Variants in REDIC1 observed in about 807,000 individuals in gnomAD.
The protein encoded by REDIC1 is HEI10 Interacting Protein 1.
the REDIC1 span, among the ~76,000 whole-genome samples, chr12:39,727,082 T>A: frequency 6.6e-6 from 1 of 152,192 alleles, no homozygotes; most frequent in African/African-American, 2.4e-5. Context: ...GTCAGATGGA[T>A]AGATTGCAAA....
At chr12:39,763,603 G>A in the REDIC1 span, among the ~76,000 whole-genome samples, 1 of 152,170 alleles carries the variant, frequency 6.6e-6, no homozygotes, top group African/African-American at 2.4e-5. Context: ...ATGATAAGTG[G>A]CCAGAGCACA....
the REDIC1 span, among the ~76,000 whole-genome samples, chr12:39,884,940 G>A: frequency 1.7e-4 from 26 of 152,218 alleles, no homozygotes; most frequent in African/African-American, 6.3e-4. Context: ...CACAAAGACT[G>A]TTAGTCATAA....
the REDIC1 span, among the ~76,000 whole-genome samples, chr12:39,883,852 G>A: frequency 6.6e-6 from 1 of 152,160 alleles, no homozygotes; most frequent in African/African-American, 2.4e-5. Flanking sequence ...CATGCAGGAT[G>A]AAGTGAAAAC....
the REDIC1 span, among the ~76,000 whole-genome samples, chr12:39,892,776 TA>T: frequency 6.6e-5 from 10 of 151,758 alleles, no homozygotes; most frequent in Admixed American, 1.3e-4. Context: ...GCAACACAGG[TA>T]AAAAAAATTT....
At chr12:39,721,614 T>G in the REDIC1 span, 3 of 160,540 alleles carry the variant, frequency 1.9e-5, no homozygotes, top group Non-Finnish European at 2.7e-5. Flanking sequence ...TATTTTAATA[T>G]TCTTTGCAGT....
the REDIC1 span, among the ~76,000 whole-genome samples, chr12:39,823,377 T>A: frequency 0.043 from 6,548 of 152,230 alleles, 435 homozygotes; most frequent in African/African-American, 0.14. Flanking sequence ...AAGATACTGA[T>A]GTGGTTTGTC....
At chr12:39,748,906 A>G in the REDIC1 span, among the ~76,000 whole-genome samples, 1 of 152,204 alleles carries the variant, frequency 6.6e-6, no homozygotes, top group African/African-American at 2.4e-5. Context: ...AATCTCTGGG[A>G]CACATTTAAA....
the REDIC1 span, among the ~76,000 whole-genome samples, chr12:39,807,178 G>A: frequency 6.6e-6 from 1 of 152,198 alleles, no homozygotes; most frequent in African/African-American, 2.4e-5. Context: ...CAACCTAGTG[G>A]TCATGAGGAG....
At chr12:39,856,638 A>G in the REDIC1 span, among the ~76,000 whole-genome samples, 3 of 152,184 alleles carry the variant, frequency 2.0e-5, no homozygotes, top group Non-Finnish European at 4.4e-5. Context: ...AAGTGCTGGG[A>G]TTACAGGCAT....
At chr12:39,643,852 C>A in the REDIC1 span, 1 of 1,574,784 alleles carries the variant, frequency 6.4e-7, no homozygotes, top group East Asian at 2.3e-5. Context: ...AAAAATTCTG[C>A]TGTCAGCTTA....
chr12:39,834,516 T>C, the REDIC1 span, among the ~76,000 whole-genome samples: 3 of 152,106 alleles, frequency 2.0e-5, no homozygotes, highest in Non-Finnish European at 4.4e-5. Context: ...ATAGTGTATG[T>C]GCAGGCGTAA....
the REDIC1 span, among the ~76,000 whole-genome samples, chr12:39,695,183 T>C: frequency 1.3e-5 from 2 of 152,144 alleles, no homozygotes; most frequent in Admixed American, 1.3e-4. Flanking sequence ...CCAGCTGTGA[T>C]GGCTATAGGA....
chr12:39,704,145 A>C, the REDIC1 span, among the ~76,000 whole-genome samples: 8 of 151,678 alleles, frequency 5.3e-5, no homozygotes, highest in East Asian at 1.9e-4. Flanking sequence ...CAACCTACAA[A>C]ATGGGAGAAA....
chr12:39,777,906 G>A, the REDIC1 span, among the ~76,000 whole-genome samples: 1 of 152,198 alleles, frequency 6.6e-6, no homozygotes, highest in Admixed American at 6.5e-5. Context: ...CTAGGATACA[G>A]AAAGCCCTCT....
At chr12:39,665,335 T>C in the REDIC1 span, among the ~76,000 whole-genome samples, 4 of 152,220 alleles carry the variant, frequency 2.6e-5, no homozygotes, top group African/African-American at 9.7e-5. Flanking sequence ...AGGGAATCGT[T>C]TCCCCATTTC....
chr12:39,759,866 CATGG>C, the REDIC1 span: 1 of 574,608 alleles, frequency 1.7e-6, no homozygotes, highest in Admixed American at 3.3e-5. Flanking sequence ...AAAAAGTCAT[CATGG>C]TTGTATCTTC....
chr12:39,682,663 G>A, the REDIC1 span: 6 of 1,609,744 alleles, frequency 3.7e-6, no homozygotes, highest in South Asian at 6.6e-5. Flanking sequence ...TATGGATGAA[G>A]ATTGTAGAAG....
the REDIC1 span, among the ~76,000 whole-genome samples, chr12:39,715,054 A>C: frequency 6.6e-6 from 1 of 151,640 alleles, no homozygotes. Flanking sequence ...GCCGTGCAAA[A>C]GCTCTTTAGT....
chr12:39,836,421 A>G, the REDIC1 span, among the ~76,000 whole-genome samples: 1 of 152,186 alleles, frequency 6.6e-6, no homozygotes, highest in Non-Finnish European at 1.5e-5. Context: ...AAGGGAGAAA[A>G]TCGGCATAAG....
Sources: allele counts gnomAD v4.1 joint callset (sites outside exome capture counted in the v4.1 genomes callset), GRCh38; gene constraint gnomAD v4.1.1; transcripts MANE v1.5; gene names NCBI Gene and HGNC (gene_info 2026-07-23, HGNC 2026-07-21).